The following DNAH7 variants were observed in gnomAD, a reference collection of about 807,000 sequenced individuals.
DNAH7 encodes dynein axonemal heavy chain 7.
DNAH7 carries 397 observed loss-of-function variants against 444.6 expected under a neutral mutation model. The observed-to-expected ratio is 0.89, with a 90% CI of 0.82 to 0.97. The LOEUF is 0.97. DNAH7 is among the 50% of genes least tolerant of loss of function. The probability of loss-of-function intolerance (pLI) is 0.00; values close to 1 mark genes in which losing one functional copy is unlikely to be tolerated. For missense variants in DNAH7, 4,902 were observed against 4,800.8 expected, an observed-to-expected ratio of 1.02 and a Z score of -0.62; for synonymous variants, 1,636 against 1,624.4, an observed-to-expected ratio of 1.01 and a Z score of -0.17.
intron 30 of DNAH7, among the ~76,000 whole-genome samples, chr2:195,892,261 GA>G (rs1553551959): frequency 6.6e-6 from 1 of 151,914 alleles, no homozygotes; most frequent in Non-Finnish European, 1.5e-5. Context: ...TTGGCATTAC[GA>G]AAAAAGGCTT....
chr2:195,834,226 C>T lies in DNAH7; in HGVS notation c.9080G>A (p.Cys3027Tyr), dbSNP rs1184824901. The change falls in exon 48 of 65, where the codon TGC becomes TAC. Residue 3027 changes from cysteine (C) to tyrosine (Y), a missense_variant. Coordinates refer to ENST00000312428, the MANE Select transcript of DNAH7 (RefSeq NM_018897.3). ...CATACCAGGAGTACCAAACTGGATGCAATTTTCCAGAGTCCTGACATAGTC... is the reference window on the plus strand; with the variant it reads ...CATACCAGGAGTACCAAACTGGATGTAATTTTCCAGAGTCCTGACATAGTC... Reference protein sequence around the residue: ...EPDYVRTLENCIQFGTPVLLE... With the variant: ...EPDYVRTLENYIQFGTPVLLE... 1 of 1,605,712 alleles carries T rather than the reference C, an allele frequency of 6.2e-7. No individual in the cohort carries two copies. The highest frequency in any genetic ancestry group is 1.1e-5 in the South Asian group (1 of 90,218).
intron 2 of DNAH7, among the ~76,000 whole-genome samples, chr2:196,053,040 T>G (rs75671226): frequency 2.0e-5 from 3 of 151,750 alleles, no homozygotes; most frequent in African/African-American, 7.3e-5. Context: ...CTAGAGGAGG[T>G]ACAGTTATTT....
intron 41 of DNAH7, 119 bp from the exon 42 acceptor site, chr2:195,862,065 T>C (rs1455242182): frequency 2.7e-6 from 2 of 750,840 alleles, no homozygotes; most frequent in African/African-American, 1.8e-5. Flanking sequence ...TGAGGGATGG[T>C]GTGGGAGAGA....
rs1165992812 is a variant in DNAH7 at position 195,844,987 on chromosome 2, A to T, written c.8945+15T>A. The T allele has an allele frequency of 6.2e-7, 1 of 1,607,440 alleles. No individual in the cohort carries two copies. Among genetic ancestry groups the T allele is most frequent in the Non-Finnish European group, 8.5e-7 (1 of 1,176,672 alleles). ...ATTTAATAAAGACCATTTGTGAGAA[A>T]AATATTTTTCTTACATTATGATTAT... On this transcript the variant is annotated intron_variant, in intron 47 of 64. Transcript: ENST00000312428.
At chr2:195,857,082 T>C (rs1254642991) in intron 44 of DNAH7, among the ~76,000 whole-genome samples, 7 of 152,252 alleles carry the variant, frequency 4.6e-5, no homozygotes, top group Non-Finnish European at 1.0e-4. Context: ...TTAATAAACA[T>C]TTTTAAAATT....
chr2:195,877,515 C>T (rs929342656), intron 36 of DNAH7, among the ~76,000 whole-genome samples: 4 of 152,162 alleles, frequency 2.6e-5, no homozygotes, highest in African/African-American at 9.7e-5. Context: ...TAAAATACCT[C>T]AAGCAAGTCC....
In DNAH7 at chr2:195,995,224, G is replaced by A. The variant is rs901733526; in HGVS notation, c.1353+5480C>T. 34 of 376,514 alleles carry A rather than the reference G, an allele frequency of 9.0e-5. 1 individual carries two copies. Among genetic ancestry groups the A allele is most frequent in the South Asian group, 3.7e-4 (15 of 40,898 alleles). 23.3% of individuals were successfully genotyped at this position (376,514 alleles called of 1,614,324 possible). ...ATTACAGGCATGAGCCAAAATGCCC[G>A]GCTATTTTTAGACTTCTTAATGAGG... is the stretch of plus-strand genomic sequence containing the variant. On this transcript the variant is annotated intron_variant, in intron 12 of 64. Coordinates refer to ENST00000312428, the MANE Select transcript of DNAH7 (RefSeq NM_018897.3).
At chr2:196,045,164 G>A (rs889199182) in intron 5 of DNAH7, among the ~76,000 whole-genome samples, 4 of 147,880 alleles carry the variant, frequency 2.7e-5, no homozygotes, top group African/African-American at 1.0e-4. Context: ...GGAGAAGAAG[G>A]AGGAGGAGGA....
At chr2:196,053,084 G>T (rs1008489801) in intron 2 of DNAH7, among the ~76,000 whole-genome samples, 24 of 152,190 alleles carry the variant, frequency 1.6e-4, no homozygotes, top group Admixed American at 1.6e-3. Flanking sequence ...TCAGAAACTA[G>T]TATGTACAAT....
At chr2:195,803,016 T>A (rs1696549568) in intron 54 of DNAH7, among the ~76,000 whole-genome samples, 1 of 152,256 alleles carries the variant, frequency 6.6e-6, no homozygotes, top group Non-Finnish European at 1.5e-5. Context: ...TTTTGAATGG[T>A]CACAGATGTC....
chr2:195,738,972 C>T (rs1692823415), intron 64 of DNAH7, among the ~76,000 whole-genome samples: 2 of 152,154 alleles, frequency 1.3e-5, no homozygotes, highest in African/African-American at 4.8e-5. Context: ...TAAGGGGGAT[C>T]CACAAGGCAG....
chr2:196,046,748 G>A (rs1248951377), intron 5 of DNAH7, among the ~76,000 whole-genome samples: 1 of 150,998 alleles, frequency 6.6e-6, no homozygotes, highest in African/African-American at 2.5e-5. Context: ...ACAGGGTCCT[G>A]TGAGTGAGTT....
At chr2:195,982,278 C>G (rs911917072) in intron 15 of DNAH7, among the ~76,000 whole-genome samples, 1 of 152,184 alleles carries the variant, frequency 6.6e-6, no homozygotes, top group Non-Finnish European at 1.5e-5. Context: ...ACTACAATGA[C>G]ATATCATTTC....
chr2:195,748,587 ACTACAAGG>A (rs1693579553), intron 63 of DNAH7, among the ~76,000 whole-genome samples: 1 of 152,330 alleles, frequency 6.6e-6, no homozygotes, highest in Middle Eastern at 3.4e-3. Flanking sequence ...TTCAAACTAT[ACTACAAGG>A]CTACAGTAAC....
At chr2:196,003,199 G>C (rs1276307713) in intron 10 of DNAH7, among the ~76,000 whole-genome samples, 1 of 151,156 alleles carries the variant, frequency 6.6e-6, no homozygotes, top group Non-Finnish European at 1.5e-5. Context: ...AATGAGGAAG[G>C]CCCTGAGAGA....
At chr2:195,871,292 G>A (rs1700672933) in intron 40 of DNAH7, among the ~76,000 whole-genome samples, 1 of 152,120 alleles carries the variant, frequency 6.6e-6, no homozygotes, top group African/African-American at 2.4e-5. Flanking sequence ...CGTGTTCTAT[G>A]TTTCTTAACT....
At chr2:195,932,718 CATTT>C (rs1399019424) in intron 21 of DNAH7, among the ~76,000 whole-genome samples, 2 of 152,062 alleles carry the variant, frequency 1.3e-5, no homozygotes, top group Non-Finnish European at 2.9e-5. Flanking sequence ...TGCTGGATTA[CATTT>C]ATTTATTTGT....
intron 22 of DNAH7, 77 bp from the exon 23 acceptor site, chr2:195,923,884 A>G: frequency 1.6e-6 from 2 of 1,216,248 alleles, no homozygotes; most frequent in Non-Finnish European, 2.4e-6. Flanking sequence ...GAACTAGTAT[A>G]TATACAGATT....
chr2:195,806,700 G>C (rs772347995), intron 54 of DNAH7, 40 bp downstream of exon 54: 9 of 1,565,998 alleles, frequency 5.7e-6, no homozygotes, highest in Non-Finnish European at 7.9e-6. Context: ...CAGGCATAAG[G>C]CTTTGGAATC....
Sources: gnomAD v4.1 joint callset for allele counts (sites outside exome capture counted in the v4.1 genomes callset) on GRCh38, gnomAD v4.1.1 for gene constraint, MANE v1.5 for transcripts, NCBI Gene and HGNC (gene_info 2026-07-23, HGNC 2026-07-21) for gene names.